C10orf90: variants seen among roughly 807,000 people sequenced by gnomAD.
The protein encoded by C10orf90 is chromosome 10 open reading frame 90.
A neutral mutation model predicts 62.5 loss-of-function variants in C10orf90; 56 were observed. That is an observed-to-expected ratio of 0.90 (90% CI 0.72 to 1.12). The LOEUF (loss-of-function observed/expected upper bound fraction) is 1.12. C10orf90 is among the 50% of genes most tolerant of loss of function. C10orf90 has a pLI of 0.00. For synonymous variants in C10orf90, 386 were observed against 340.4 expected, an observed-to-expected ratio of 1.13 and a Z score of -1.47; for missense variants, 970 against 880.4, an observed-to-expected ratio of 1.10 and a Z score of -1.29.
At chr10:126,447,687 C>T (rs143420649) in intron 7 of C10orf90, among the ~76,000 whole-genome samples, 19 of 152,282 alleles carry the variant, frequency 1.2e-4, no homozygotes, top group African/African-American at 4.3e-4. Context: ...GTGGCTTTCA[C>T]AGATATACAC....
chr10:126,561,650 A>T (rs1020022239), intron 2 of C10orf90, among the ~76,000 whole-genome samples: 3 of 152,106 alleles, frequency 2.0e-5, no homozygotes, highest in African/African-American at 7.2e-5. Context: ...GAGAAATGTC[A>T]TCTCCTGGAA....
intron 2 of C10orf90, among the ~76,000 whole-genome samples, chr10:126,642,743 G>C (rs1022403111): frequency 6.6e-6 from 1 of 152,052 alleles, no homozygotes; most frequent in East Asian, 1.9e-4. Flanking sequence ...ACCCTGACCT[G>C]TCTCTTGATC....
rs1480135048 is a variant in C10orf90 at position 126,641,824 on chromosome 10, A to ACTGT, written c.313+4740_313+4741insACAG. Among the ~76,000 whole-genome samples, 16 of 152,324 alleles carry ACTGT rather than the reference A, an allele frequency of 1.1e-4. 1 individual carries two copies. Among genetic ancestry groups the ACTGT allele is most frequent in the African/African-American group, 3.6e-4 (15 of 41,568 alleles). ...TTCGTGTTCAGATCCTATTAATCAT[A>ACTGT]GTAAACTAATCTTTTACACAGGCCA... On this transcript the variant is annotated intron_variant, in intron 2 of 9. Transcript: ENST00000488181.
At chr10:126,503,418 G>A (rs1862514587) in intron 4 of C10orf90, among the ~76,000 whole-genome samples, 1 of 152,108 alleles carries the variant, frequency 6.6e-6, no homozygotes, top group East Asian at 1.9e-4. Context: ...TTTAGAAAAT[G>A]TCCTATAATT....
intron 2 of C10orf90, among the ~76,000 whole-genome samples, chr10:126,540,626 T>A (rs1864352065): frequency 6.9e-6 from 1 of 144,830 alleles, no homozygotes; most frequent in South Asian, 2.2e-4. Flanking sequence ...GTCACTACAC[T>A]CCAACCTGGG....
rs144201133 is a variant in C10orf90, at chr10:126,512,906, A to T, written c.405+942T>A. On this transcript the variant is annotated intron_variant, in intron 3 of 9. Transcript: ENST00000488181. Reference sequence around the variant, plus strand: ...TTCAGGCCCGGAGTCTCTGAAGGAAATGTTGAGCTTTATTAAATACGGAGC... The same window carrying T: ...TTCAGGCCCGGAGTCTCTGAAGGAATTGTTGAGCTTTATTAAATACGGAGC... 8.5e-4 allele frequency among the ~76,000 whole-genome samples: 130 copies of T among 152,302 alleles called. 1 individual carries two copies. The highest frequency in any genetic ancestry group is 2.9e-3 in the African/African-American group (122 of 41,562).
chr10:126,657,542 T>G (rs1846418656), intron 1 of C10orf90, among the ~76,000 whole-genome samples: 1 of 152,190 alleles, frequency 6.6e-6, no homozygotes, highest in African/African-American at 2.4e-5. Flanking sequence ...GTCCAATTGA[T>G]CAATTTTTTT....
intron 2 of C10orf90, among the ~76,000 whole-genome samples, chr10:126,618,284 T>A (rs1845581605): frequency 6.6e-6 from 1 of 152,180 alleles, no homozygotes; most frequent in African/African-American, 2.4e-5. Flanking sequence ...TGTGACAAAA[T>A]GTGCATCTTA....
intron 2 of C10orf90, among the ~76,000 whole-genome samples, chr10:126,547,269 A>G (rs1171588279): frequency 2.0e-5 from 3 of 151,922 alleles, no homozygotes; most frequent in African/African-American, 7.3e-5. Context: ...AATAAAAAAA[A>G]TTAGCCGGGC....
chr10:126,470,201 G>T, intron 4 of C10orf90: 1 of 389,150 alleles, frequency 2.6e-6, no homozygotes, highest in Non-Finnish European at 5.2e-6. Context: ...GTTGCATGCT[G>T]CAGAGGAGGA....
At chr10:126,467,187 G>T (rs1026024733) in intron 4 of C10orf90, among the ~76,000 whole-genome samples, 2 of 152,230 alleles carry the variant, frequency 1.3e-5, no homozygotes, top group African/African-American at 4.8e-5. Flanking sequence ...GAATGAGCTT[G>T]TGTAAGTCAG....
chr10:126,592,631 G>A (rs1320284888), intron 2 of C10orf90, among the ~76,000 whole-genome samples: 1 of 152,130 alleles, frequency 6.6e-6, no homozygotes, highest in Admixed American at 6.5e-5. Context: ...ACATAGGCAA[G>A]GGCAAAGATT....
chr10:126,560,640 C>A (rs1325450517), intron 2 of C10orf90, among the ~76,000 whole-genome samples: 1 of 152,146 alleles, frequency 6.6e-6, no homozygotes, highest in Non-Finnish European at 1.5e-5. Context: ...AAAGCCATCC[C>A]CATGGAGACG....
intron 2 of C10orf90, among the ~76,000 whole-genome samples, chr10:126,517,488 C>T (rs915631761): frequency 2.6e-5 from 4 of 152,182 alleles, no homozygotes; most frequent in Non-Finnish European, 4.4e-5. Context: ...TCAAGACTGT[C>T]TGAGTCCTGC....
intron 4 of C10orf90, among the ~76,000 whole-genome samples, chr10:126,499,885 C>A (rs1424570529): frequency 2.0e-5 from 3 of 152,292 alleles, no homozygotes; most frequent in East Asian, 3.9e-4. Context: ...TTGGATATCT[C>A]AGAAATGGTA....
chr10:126,485,342 C>G (rs1861372171), intron 4 of C10orf90, among the ~76,000 whole-genome samples: 1 of 152,156 alleles, frequency 6.6e-6, no homozygotes. Context: ...GTCTATGGCA[C>G]TGTGTTATAG....
chr10:126,670,404 C>T lies in C10orf90; in HGVS notation c.77G>A (p.Arg26Gln), dbSNP rs1224001956. 4 of 456,684 alleles carry T rather than the reference C, an allele frequency of 8.8e-6. No homozygotes were observed. Among genetic ancestry groups the T allele is most frequent in the East Asian group, 1.4e-4 (2 of 14,388 alleles). The allele number at this position is 456,684 out of a possible 1,614,324, so 28.3% of individuals were successfully genotyped here. Residue 26 changes from arginine (R) to glutamine (Q), a missense_variant, in exon 1 of 10, where the codon CGG (arginine) becomes CAG (glutamine). Transcript: ENST00000488181. ...ACTAAATGTTTTTATCTGGAAAGTC[C>T]GATGCACGGCCGTTTCTGTGTAGCG... ...AARYTETAVH[R>Q]TFQIKTFSTE...
At position 126,441,365 on chromosome 10, in the gene C10orf90, C is replaced by T. The variant is rs137961515; in HGVS notation, c.2189-11515G>A. On this transcript the variant is annotated intron_variant, in intron 7 of 9. Transcript: ENST00000488181. ...ATAAGAATAAAAAATATAAACAAAGCCTCCAAGAAGTCTGGGATTATGTTA... is the reference window on the plus strand; with the variant it reads ...ATAAGAATAAAAAATATAAACAAAGTCTCCAAGAAGTCTGGGATTATGTTA... 7.7e-3 allele frequency among the ~76,000 whole-genome samples: 1,171 copies of T among 152,062 alleles called. 7 individuals carry two copies. Among genetic ancestry groups the T allele is most frequent in the Middle Eastern group, 0.014 (4 of 292 alleles).
At chr10:126,611,871 A>G (rs188634467) in intron 2 of C10orf90, among the ~76,000 whole-genome samples, 8 of 152,342 alleles carry the variant, frequency 5.3e-5, no homozygotes, top group Admixed American at 1.3e-4. Context: ...GTACAAACAA[A>G]TTCACAATGG....
Sources: gnomAD v4.1 joint callset for allele counts (sites outside exome capture counted in the v4.1 genomes callset) on GRCh38, gnomAD v4.1.1 for gene constraint, MANE v1.5 for transcripts, NCBI Gene and HGNC (gene_info 2026-07-23, HGNC 2026-07-21) for gene names.